WDR62: variants seen among roughly 807,000 people sequenced by gnomAD.
WDR62 encodes WD repeat-containing protein 62.
In WDR62, 112 loss-of-function variants were observed where a neutral mutation model predicts 160.6. The observed-to-expected ratio is 0.70, with a 90% confidence interval of 0.60 to 0.82. The LOEUF (loss-of-function observed/expected upper bound fraction) is 0.82, where lower values mean the gene tolerates loss of function less well. Among genes scored for constraint, WDR62 ranks in the 40% least tolerant of loss-of-function variants. WDR62 has a pLI of 0.00. For synonymous variants in WDR62, 792 were observed against 815.1 expected (o/e 0.97, Z 0.48); for missense variants, 1,819 against 1,983.8 (o/e 0.92, Z 1.58).
intron 3 of WDR62, among the ~76,000 whole-genome samples, chr19:36,065,163 G>T (rs1220837818): frequency 6.6e-6 from 1 of 152,222 alleles, no homozygotes; most frequent in African/African-American, 2.4e-5. Flanking sequence ...TGGATATCCA[G>T]GAGGCAGCTT....
intron 2 of WDR62, among the ~76,000 whole-genome samples, chr19:36,059,356 T>A (rs1970528142): frequency 6.6e-6 from 1 of 152,194 alleles, no homozygotes; most frequent in African/African-American, 2.4e-5. Flanking sequence ...TGTTTCCTTA[T>A]CTATAAATGG....
At chr19:36,088,226 A>G (rs1972372144) in intron 13 of WDR62, among the ~76,000 whole-genome samples, 1 of 152,158 alleles carries the variant, frequency 6.6e-6, no homozygotes, top group African/African-American at 2.4e-5. Context: ...CCAAACTGTT[A>G]TTCTGTAAAG....
chr19:36,071,510 G>A lies in WDR62; in HGVS notation c.883-46G>A, dbSNP rs375352814. ...GTCAGTCCCCATATCCCCGGGCCAGGCCACGTGAAGCACCAAATCCACTGG... is the reference window on the plus strand; with the variant it reads ...GTCAGTCCCCATATCCCCGGGCCAGACCACGTGAAGCACCAAATCCACTGG... On this transcript the variant is annotated intron_variant, in intron 7 of 31. Transcript: ENST00000401500. 1.9e-6 allele frequency: 3 copies of A among 1,613,698 alleles called. No individual in the cohort carries two copies. In the African/African-American group the frequency reaches 4.0e-5, roughly 22 times the overall value.
intron 4 of WDR62, 85 bp from the exon 5 acceptor site, chr19:36,066,172 G>T: frequency 6.2e-7 from 1 of 1,600,562 alleles, no homozygotes; most frequent in Non-Finnish European, 8.6e-7. Context: ...GGCACATCCT[G>T]TGGCAATGCC....
chr19:36,105,000 C>A lies in WDR62; in HGVS notation c.4544C>A (p.Ala1515Asp). ...LEHYSELLVQ[A>D]VRRKARGH ...CACTACTCGGAGCTGCTGGTGCAGG[C>A]CGTGCGGAGGAAGGCACGGGGGCAC... The change falls in exon 32 of 32, where the codon GCC (alanine) becomes GAC (aspartate). Residue 1515 changes from alanine (A) to aspartate (D), a missense_variant. By Grantham distance (126) the Ala-to-Asp change is moderately radical (BLOSUM62 -2). Coordinates refer to ENST00000401500, the MANE Select transcript of WDR62 (RefSeq NM_001083961.2). 1 of 1,601,332 alleles carries A rather than the reference C, an allele frequency of 6.2e-7. No homozygotes were observed. Among genetic ancestry groups the A allele is most frequent in the Non-Finnish European group, 8.5e-7 (1 of 1,177,388 alleles).
rs1599800250 is a variant in WDR62 at position 36,084,887 on chromosome 19, AC to A, written c.1642+146del. 1.1e-5 allele frequency: 8 copies of A among 761,248 alleles called. No homozygotes were observed. In the East Asian group the frequency reaches 2.1e-4, roughly 20 times the overall value. The allele number at this position is 761,248 out of a possible 1,614,324, so 47.2% of individuals were successfully genotyped here. A position where few individuals can be genotyped will look rare whatever the true frequency, so the allele number is the denominator to read the frequency against. On this transcript the variant is annotated intron_variant, in intron 12 of 31. Transcript: ENST00000401500. The stretch of plus-strand genomic sequence containing the variant: ...GTTCGGTAAGGGCCCCTGTAGCTGG[AC>A]CCTGAGACCAGAGTGGCTGGGACTT...
chr19:36,063,635 C>T (rs915346133), intron 3 of WDR62, among the ~76,000 whole-genome samples: 36 of 152,314 alleles, frequency 2.4e-4, no homozygotes, highest in African/African-American at 8.7e-4. Flanking sequence ...CACGGGCAGA[C>T]TCAGGTTCTG....
chr19:36,064,054 T>C (rs1258167041), intron 3 of WDR62, among the ~76,000 whole-genome samples: 1 of 152,124 alleles, frequency 6.6e-6, no homozygotes, highest in Non-Finnish European at 1.5e-5. Context: ...ATGAGAGCCC[T>C]GACTCCATGA....
intron 13 of WDR62, among the ~76,000 whole-genome samples, chr19:36,087,822 AAAAAAT>A (rs1295458080): frequency 1.3e-5 from 2 of 152,152 alleles, no homozygotes; most frequent in African/African-American, 4.8e-5. Context: ...TCCATCTCAA[AAAAAAT>A]AAAAATAAAA....
At chr19:36,059,507 A>G (rs1970534960) in intron 2 of WDR62, among the ~76,000 whole-genome samples, 1 of 152,102 alleles carries the variant, frequency 6.6e-6, no homozygotes, top group Non-Finnish European at 1.5e-5. Flanking sequence ...AGTGTGAATA[A>G]CAGCTCACTA....
At chr19:36,108,022 A>G (rs1973744047), downstream of WDR62, among the ~76,000 whole-genome samples, 1 of 152,036 alleles carries the variant, frequency 6.6e-6, no homozygotes, top group Non-Finnish European at 1.5e-5. Context: ...GAACCCCAGG[A>G]CTGGCACCCT....
At chr19:36,083,967 C>A (rs1005377647) in intron 11 of WDR62, among the ~76,000 whole-genome samples, 1 of 152,142 alleles carries the variant, frequency 6.6e-6, no homozygotes, top group African/African-American at 2.4e-5. Flanking sequence ...CTGTATGAGA[C>A]CAGCTCAGTG....
Position 36,089,434 on chromosome 19 carries a change from C to G in WDR62, c.1958+128C>G. On this transcript the variant is annotated intron_variant, in intron 15 of 31. Transcript: ENST00000401500. ...TTGAGGGACCCAGCAGGTGTTCCTTCTTGGTTTTTTTTTGTTTTTGTTTTT... is the reference window on the plus strand; with the variant it reads ...TTGAGGGACCCAGCAGGTGTTCCTTGTTGGTTTTTTTTTGTTTTTGTTTTT... 3 of 1,509,796 alleles carry G rather than the reference C, an allele frequency of 2.0e-6. No homozygotes were observed. In the Admixed American group the frequency reaches 5.3e-5, roughly 27 times the overall value. The allele number at this position is 1,509,796 out of a possible 1,614,324, so 93.5% of individuals were successfully genotyped here.
intron 9 of WDR62, among the ~76,000 whole-genome samples, chr19:36,078,160 T>G (rs1212566661): frequency 1.3e-5 from 2 of 151,932 alleles, no homozygotes; most frequent in East Asian, 1.9e-4. Context: ...TTGTTTTTTT[T>G]TTTTTGAAAC....
At chr19:36,066,160 T>C in intron 4 of WDR62, 97 bp from the exon 5 acceptor site, 1 of 1,594,072 alleles carries the variant, frequency 6.3e-7, no homozygotes, top group Non-Finnish European at 8.6e-7. Flanking sequence ...AGGTGGCTTT[T>C]GGGCACATCC....
chr19:36,067,364 C>T lies in WDR62; in HGVS notation c.620C>T (p.Ser207Leu). 2 of 1,614,226 alleles carry T rather than the reference C, an allele frequency of 1.2e-6. No homozygotes were observed. Among genetic ancestry groups the T allele is most frequent in the Non-Finnish European group, 1.7e-6 (2 of 1,180,016 alleles). The change falls in exon 6 of 32, where the codon TCA becomes TTA. Residue 207 changes from serine to leucine, a missense_variant. Around this residue, in one of 3 missense-constraint regions of WDR62, gnomAD observed 934 missense variants for 1,157.2 expected, o/e 0.81. Coordinates refer to ENST00000401500, the MANE Select transcript of WDR62 (RefSeq NM_001083961.2). ...VSCRVIALSF[S>L]EDSSYFVTVG... ...TGTAGAGTCATTGCCCTCTCCTTCT[C>T]AGAGGACAGCAGCTATTTTGTCACT...
intron 9 of WDR62, among the ~76,000 whole-genome samples, chr19:36,076,727 AG>A (rs758680505): frequency 3.8e-4 from 58 of 152,250 alleles, no homozygotes; most frequent in Non-Finnish European, 6.8e-4. Context: ...GAATATCCCC[AG>A]TAACTCATTT....
intron 15 of WDR62, among the ~76,000 whole-genome samples, chr19:36,089,543 G>A (rs888204410): frequency 1.2e-4 from 19 of 152,222 alleles, no homozygotes; most frequent in Admixed American, 2.6e-4. Context: ...CTGGGTTCAA[G>A]TGATTCTCCT....
downstream of WDR62, among the ~76,000 whole-genome samples, chr19:36,105,460 C>T (rs1035991457): frequency 2.6e-5 from 4 of 151,918 alleles, no homozygotes; most frequent in Admixed American, 6.6e-5. Context: ...CATATCATGG[C>T]TCAGGGCCTC....
Sources: gnomAD v4.1 joint callset for allele counts (sites outside exome capture counted in the v4.1 genomes callset) on GRCh38, gnomAD v4.1.1 for gene constraint, gnomAD v4.1.1 regional missense constraint, MANE v1.5 for transcripts, NCBI Gene and HGNC (gene_info 2026-07-23, HGNC 2026-07-21) for gene names.